Variants in PPP2R5A observed in about 807,000 individuals in gnomAD.
The protein encoded by PPP2R5A is serine/threonine-protein phosphatase 2A 56 kDa regulatory subunit alpha isoform.
In PPP2R5A, 25 loss-of-function variants were observed where a neutral mutation model predicts 64.2. That is an observed-to-expected ratio of 0.39 (90% CI 0.28 to 0.54). The LOEUF (loss-of-function observed/expected upper bound fraction) is 0.54. Among genes scored for constraint, PPP2R5A ranks in the 20% least tolerant of loss-of-function variants. PPP2R5A has a pLI of 0.67. For missense variants in PPP2R5A, 425 were observed against 576.3 expected (o/e 0.74, Z 2.69); for synonymous variants, 198 against 201.2 (o/e 0.98, Z 0.13).
Position 212,314,555 on chromosome 1 carries a change from C to CT in PPP2R5A, c.182-14579dup, listed in dbSNP as rs1176983169. On this transcript the variant is annotated intron_variant, in intron 1 of 12. Transcript: ENST00000261461. ...GAACTACAGGTGTGTGCCACCAAGC[C>CT]TATTTTTTTTTTTTTTTTTGAGATG... is the stretch of plus-strand genomic sequence containing the variant. Among the ~76,000 whole-genome samples, 503 of 137,384 alleles carry CT rather than the reference C, an allele frequency of 3.7e-3. 6 individuals carry two copies. Among genetic ancestry groups the CT allele is most frequent in the African/African-American group, 0.017 (481 of 28,828 alleles). 90.1% of individuals were successfully genotyped at this position (137,384 alleles called of 152,430 possible).
chr1:212,346,996 T>C (rs147091172), intron 5 of PPP2R5A, among the ~76,000 whole-genome samples: 2 of 152,356 alleles, frequency 1.3e-5, no homozygotes, highest in African/African-American at 4.8e-5. Context: ...TATGGGTCTT[T>C]TTCTCTTGGA....
At chr1:212,287,698 TG>T (rs34873988) in intron 1 of PPP2R5A, among the ~76,000 whole-genome samples, 25,240 of 152,262 alleles carry the variant, frequency 0.17, 2,535 homozygotes, top group Middle Eastern at 0.3. Context: ...TGATAGGCAT[TG>T]CCAAGACTTT....
chr1:212,296,164 G>C (rs1351861119), intron 1 of PPP2R5A, among the ~76,000 whole-genome samples: 1 of 152,016 alleles, frequency 6.6e-6, no homozygotes, highest in Non-Finnish European at 1.5e-5. Flanking sequence ...ACTCTCACGT[G>C]CTTTAGCTTG....
At chr1:212,302,526 C>CT (rs1315300109) in intron 1 of PPP2R5A, among the ~76,000 whole-genome samples, 1 of 152,134 alleles carries the variant, frequency 6.6e-6, no homozygotes, top group Non-Finnish European at 1.5e-5. Context: ...CTTTTAGTGT[C>CT]TCTCAGCAAT....
chr1:212,313,494 G>A (rs1428352562), intron 1 of PPP2R5A, among the ~76,000 whole-genome samples: 1 of 151,156 alleles, frequency 6.6e-6, no homozygotes, highest in African/African-American at 2.4e-5. Flanking sequence ...ATAGATTTTG[G>A]GTTTTTTTCT....
chr1:212,352,693 G>T, intron 8 of PPP2R5A: 1 of 453,992 alleles, frequency 2.2e-6, no homozygotes, highest in Non-Finnish European at 4.3e-6. Flanking sequence ...TTGGGCCCAA[G>T]CCTGCCTTGG....
At chr1:212,320,170 G>A (rs1019601332) in intron 1 of PPP2R5A, among the ~76,000 whole-genome samples, 1 of 151,766 alleles carries the variant, frequency 6.6e-6, no homozygotes, top group African/African-American at 2.4e-5. Flanking sequence ...CTGCCTTCAA[G>A]CATCTGTTTA....
intron 1 of PPP2R5A, among the ~76,000 whole-genome samples, chr1:212,305,268 C>T (rs1474543348): frequency 3.3e-5 from 5 of 152,056 alleles, no homozygotes; most frequent in Non-Finnish European, 5.9e-5. Context: ...TATCTCCTGA[C>T]CTTGTGATCC....
intron 8 of PPP2R5A, among the ~76,000 whole-genome samples, chr1:212,355,229 T>TA (rs1184250866): frequency 6.6e-6 from 1 of 152,140 alleles, no homozygotes; most frequent in Non-Finnish European, 1.5e-5. Context: ...TATATATGTA[T>TA]TTTTTAATGT....
Position 212,347,346 on chromosome 1 carries a change from G to C in PPP2R5A, c.705-1G>C. On this transcript the variant is annotated splice_acceptor_variant, in intron 5 of 12. Coordinates refer to ENST00000261461, the MANE Select transcript of PPP2R5A (RefSeq NM_006243.4). LOFTEE classifies it high-confidence loss of function. ...ACATCTTGTCTTTATTTTAAATTCA[G>C]GTTTATATATGAAACAGAACATTTC... The C allele has an allele frequency of 6.4e-7, 1 of 1,559,362 alleles. No individual in the cohort carries two copies.
chr1:212,321,213 C>T (rs561744415), intron 1 of PPP2R5A, among the ~76,000 whole-genome samples: 2 of 145,032 alleles, frequency 1.4e-5, no homozygotes, highest in South Asian at 4.3e-4. Flanking sequence ...ACATCCTTCC[C>T]AGACGGGGCG....
intron 1 of PPP2R5A, among the ~76,000 whole-genome samples, chr1:212,321,979 A>C (rs374948934): frequency 0.091 from 13,813 of 151,674 alleles, 2,021 homozygotes; most frequent in African/African-American, 0.31. Flanking sequence ...CGCGGTTAGG[A>C]GCTGGAGACC....
intron 3 of PPP2R5A, among the ~76,000 whole-genome samples, chr1:212,341,605 A>C (rs1203958737): frequency 6.6e-6 from 1 of 152,118 alleles, no homozygotes; most frequent in Non-Finnish European, 1.5e-5. Flanking sequence ...TTTTATAGGC[A>C]TTGTCCTTAT....
At chr1:212,320,738 C>T (rs1233380414) in intron 1 of PPP2R5A, among the ~76,000 whole-genome samples, 6 of 141,654 alleles carry the variant, frequency 4.2e-5, no homozygotes, top group East Asian at 2.3e-4. Flanking sequence ...AGAGGGGCTC[C>T]TCTCTTCCCA....
At chr1:212,309,057 C>T (rs1658974696) in intron 1 of PPP2R5A, 16 of 775,562 alleles carry the variant, frequency 2.1e-5, no homozygotes. Flanking sequence ...TTTAGATGAT[C>T]TCGATTTTGT....
intron 1 of PPP2R5A, chr1:212,301,715 G>T (rs1558140026): frequency 2.8e-6 from 2 of 706,032 alleles, no homozygotes; most frequent in Non-Finnish European, 1.7e-6. Context: ...GCCAAAAAAA[G>T]CTACATGTCC....
intron 5 of PPP2R5A, 135 bp downstream of exon 5, chr1:212,346,068 CAT>C: frequency 1.2e-6 from 1 of 848,994 alleles, no homozygotes; most frequent in Non-Finnish European, 1.7e-6. Flanking sequence ...GTGGTGAGAA[CAT>C]AGCTCATTGT....
intron 3 of PPP2R5A, among the ~76,000 whole-genome samples, chr1:212,336,852 T>G (rs1401061382): frequency 6.6e-6 from 1 of 152,194 alleles, no homozygotes; most frequent in Non-Finnish European, 1.5e-5. Flanking sequence ...CGTTTTACAT[T>G]TAGCTTATGA....
chr1:212,360,209 T>C (rs993251932), intron 12 of PPP2R5A, among the ~76,000 whole-genome samples: 4 of 152,220 alleles, frequency 2.6e-5, no homozygotes, highest in African/African-American at 9.6e-5. Flanking sequence ...GAGATGTGGC[T>C]GTTAGTGGCA....
Sources: allele counts gnomAD v4.1 joint callset (sites outside exome capture counted in the v4.1 genomes callset), GRCh38; gene constraint gnomAD v4.1.1; transcripts MANE v1.5; gene names NCBI Gene and HGNC (gene_info 2026-07-23, HGNC 2026-07-21).